FAM53B: variants seen among roughly 807,000 people sequenced by gnomAD.
The protein encoded by FAM53B is family with sequence similarity 53 member B.
Under a neutral mutation model 32.7 loss-of-function variants are expected in FAM53B, and 12 were observed. The observed-to-expected ratio is 0.37, with a 90% confidence interval of 0.24 to 0.59. The LOEUF (loss-of-function observed/expected upper bound fraction) is 0.59. Ranked by LOEUF, FAM53B falls within the 20% of genes least tolerant of loss-of-function variation. The pLI is 0.72. For missense variants in FAM53B, 477 were observed against 577.7 expected (o/e 0.83, Z 1.79); for synonymous variants, 234 against 228.7 (o/e 1.02, Z -0.21).
intron 2 of FAM53B, chr10:124,705,621 T>C (rs1949951250): frequency 1.3e-5 from 2 of 152,014 alleles, no homozygotes; most frequent in African/African-American, 4.8e-5. Context: ...GGGTGAGGAG[T>C]ACAGGGCCTG....
intron 3 of FAM53B, among the ~76,000 whole-genome samples, chr10:124,693,110 G>A (rs1043816572): frequency 1.1e-4 from 16 of 152,148 alleles, no homozygotes; most frequent in Non-Finnish European, 2.2e-4. Context: ...ATTGTCCAGC[G>A]CTGGAAGGGC....
At chr10:124,731,658 A>C (rs1364803314) in intron 1 of FAM53B, among the ~76,000 whole-genome samples, 1 of 148,506 alleles carries the variant, frequency 6.7e-6, no homozygotes, top group African/African-American at 2.5e-5. Context: ...CCATCCCACC[A>C]CCTACTGGTG....
chr10:124,662,783 C>G (rs562529350), intron 4 of FAM53B, among the ~76,000 whole-genome samples: 78 of 152,284 alleles, frequency 5.1e-4, no homozygotes, highest in Middle Eastern at 3.4e-3. Context: ...ACGATCACAC[C>G]ACAGTACTCC....
intron 2 of FAM53B, among the ~76,000 whole-genome samples, chr10:124,700,982 C>G (rs1018296021): frequency 6.6e-6 from 1 of 152,220 alleles, no homozygotes; most frequent in African/African-American, 2.4e-5. Flanking sequence ...GAGGAGGGAA[C>G]AGCACCTTTG....
intron 4 of FAM53B, among the ~76,000 whole-genome samples, chr10:124,625,841 CAGA>C (rs1254279399): frequency 6.6e-6 from 1 of 152,236 alleles, no homozygotes; most frequent in Non-Finnish European, 1.5e-5. Flanking sequence ...GCTGCCCCGA[CAGA>C]GGAGGCCTAG....
chr10:124,734,619 C>T lies in FAM53B; in HGVS notation c.-175+9394G>A, dbSNP rs572077259. Among the ~76,000 whole-genome samples the T allele has an allele frequency of 1.5e-4, 23 of 152,306 alleles. No individual in the cohort carries two copies. In the South Asian group the frequency reaches 4.1e-3, roughly 27 times the overall value. The stretch of plus-strand genomic sequence containing the variant: ...CTTGGTGGGTCCTCTGGAAAGGACG[C>T]TCTAGGGCCAGCACCAGAGGGGAGG... On this transcript the variant is annotated intron_variant, in intron 1 of 4. Coordinates refer to ENST00000337318, the MANE Select transcript of FAM53B (RefSeq NM_014661.4).
chr10:124,648,292 C>G (rs777221384), intron 4 of FAM53B, among the ~76,000 whole-genome samples: 1 of 152,246 alleles, frequency 6.6e-6, no homozygotes, highest in Non-Finnish European at 1.5e-5. Flanking sequence ...CAGGAAACCT[C>G]CAGGATGGAG....
At chr10:124,657,388 T>G (rs969825836) in intron 4 of FAM53B, among the ~76,000 whole-genome samples, 2 of 152,072 alleles carry the variant, frequency 1.3e-5, no homozygotes, top group African/African-American at 2.4e-5. Flanking sequence ...AAATCTGTAT[T>G]TGCACCTGTG....
At chr10:124,690,772 A>G (rs1026105986) in intron 3 of FAM53B, among the ~76,000 whole-genome samples, 4 of 152,244 alleles carry the variant, frequency 2.6e-5, no homozygotes, top group Non-Finnish European at 4.4e-5. Flanking sequence ...AAATAAAAAT[A>G]ATAAAGCAAA....
intron 1 of FAM53B, chr10:124,713,825 G>A (rs1950021130): frequency 6.6e-6 from 1 of 152,180 alleles, no homozygotes; most frequent in South Asian, 2.1e-4. Flanking sequence ...TGAGAACTCA[G>A]CCACTGACAG....
At chr10:124,657,161 T>C (rs1305395394) in intron 4 of FAM53B, among the ~76,000 whole-genome samples, 2 of 60,902 alleles carry the variant, frequency 3.3e-5, no homozygotes, top group African/African-American at 6.9e-5. Flanking sequence ...TATATATGTG[T>C]GTATATATAT....
chr10:124,739,221 G>A (rs1365784937), intron 1 of FAM53B, among the ~76,000 whole-genome samples: 4 of 152,234 alleles, frequency 2.6e-5, no homozygotes, highest in African/African-American at 9.6e-5. Flanking sequence ...CAGGGCATAT[G>A]GAAAGCAACC....
At chr10:124,723,713 G>GGGCCAGGCAGAGCCTGGACA (rs1950084191) in intron 1 of FAM53B, among the ~76,000 whole-genome samples, 1 of 152,216 alleles carries the variant, frequency 6.6e-6, no homozygotes, top group South Asian at 2.1e-4. Flanking sequence ...GGCCGGCCCT[G>GGGCCAGGCAGAGCCTGGACA]GGCCAGGCAG....
intron 4 of FAM53B, among the ~76,000 whole-genome samples, chr10:124,663,597 AAC>A (rs1417053204): frequency 1.3e-5 from 2 of 152,278 alleles, no homozygotes; most frequent in South Asian, 2.1e-4. Flanking sequence ...GTCTTGTTAA[AAC>A]ACAGACTCTG....
intron 4 of FAM53B, among the ~76,000 whole-genome samples, chr10:124,633,616 G>T (rs1388525166): frequency 2.0e-5 from 3 of 152,094 alleles, no homozygotes; most frequent in Non-Finnish European, 4.4e-5. Flanking sequence ...TACCTACAGA[G>T]ACCAATGAAA....
chr10:124,638,503 G>C (rs956094188), intron 4 of FAM53B, among the ~76,000 whole-genome samples: 2 of 152,236 alleles, frequency 1.3e-5, no homozygotes, highest in Admixed American at 6.5e-5. Flanking sequence ...GCATGGAGTT[G>C]AAATGAGATC....
chr10:124,641,815 C>G (rs1436409966), intron 4 of FAM53B, among the ~76,000 whole-genome samples: 1 of 152,212 alleles, frequency 6.6e-6, no homozygotes, highest in Non-Finnish European at 1.5e-5. Flanking sequence ...ATAAGACTTA[C>G]AGGTCCCATG....
intron 3 of FAM53B, among the ~76,000 whole-genome samples, chr10:124,689,937 C>T (rs1365113417): frequency 2.0e-5 from 3 of 152,196 alleles, no homozygotes; most frequent in East Asian, 1.9e-4. Flanking sequence ...CTCCCACAGG[C>T]GTTCATAAAT....
At position 124,733,999 on chromosome 10, in the gene FAM53B, T is replaced by C. The variant is rs1025836669; in HGVS notation, c.-175+10014A>G. The stretch of plus-strand genomic sequence containing the variant: ...GTCTCGAATGTCTCCTCCTCCCCGT[T>C]CTTCATCTGTCTAAACTCCTGCTCA... On this transcript the variant is annotated intron_variant, in intron 1 of 4. Coordinates refer to ENST00000337318, the MANE Select transcript of FAM53B (RefSeq NM_014661.4). This position sits in a 1 kb window ranked among gnomAD's most constrained non-coding sequence, Gnocchi z 4.3. Among the ~76,000 whole-genome samples the C allele has an allele frequency of 2.0e-5, 3 of 152,156 alleles. No individual in the cohort carries two copies. The highest frequency in any genetic ancestry group is 7.2e-5 in the African/African-American group (3 of 41,430).
Sources: allele counts gnomAD v4.1 joint callset (sites outside exome capture counted in the v4.1 genomes callset), GRCh38; gene constraint gnomAD v4.1.1; non-coding constraint Gnocchi (gnomAD v3.1); transcripts MANE v1.5; gene names NCBI Gene and HGNC (gene_info 2026-07-23, HGNC 2026-07-21).